Variants in DHX15 observed in about 807,000 individuals in gnomAD.
The protein encoded by DHX15 is DEAH-box helicase 15, also known as ATP-dependent RNA helicase DHX15.
DHX15 carries 11 observed loss-of-function variants against 94.4 expected under a neutral mutation model. That is an observed-to-expected ratio of 0.12 (90% confidence interval 0.07 to 0.19). The LOEUF (loss-of-function observed/expected upper bound fraction) is 0.19, where lower values mean the gene tolerates loss of function less well. Among genes scored for constraint, DHX15 ranks in the 10% least tolerant of loss-of-function variants. The pLI, the probability that DHX15 is intolerant of heterozygous loss-of-function variation, is 1.00. For missense variants in DHX15, 304 were observed against 988.5 expected, an observed-to-expected ratio of 0.31 and a Z score of 9.29; for synonymous variants, 338 against 329.9, an observed-to-expected ratio of 1.02 and a Z score of -0.27.
chr4:24,561,896 C>T (rs932330299), intron 3 of DHX15, among the ~76,000 whole-genome samples: 5 of 151,980 alleles, frequency 3.3e-5, no homozygotes, highest in Admixed American at 6.6e-5. Flanking sequence ...TTTGGGAGGC[C>T]GAAGCAGGTC....
intron 2 of DHX15, among the ~76,000 whole-genome samples, chr4:24,574,376 G>A (rs1020362370): frequency 1.3e-5 from 2 of 151,940 alleles, no homozygotes; most frequent in African/African-American, 4.8e-5. Context: ...TAAACTGTTT[G>A]GTTTCCCTTC....
At chr4:24,533,463 ATTG>A (rs2109392396) in intron 11 of DHX15, 1 of 213,250 alleles carries the variant, frequency 4.7e-6, no homozygotes, top group Admixed American at 5.2e-5. Flanking sequence ...ATTGTTGTGT[ATTG>A]TTCTTTATGC....
intron 8 of DHX15, 26 bp downstream of exon 8, chr4:24,541,847 C>A: frequency 1.3e-6 from 2 of 1,522,278 alleles, no homozygotes; most frequent in South Asian, 2.5e-5. Context: ...TTAAACATAT[C>A]GGCAGGAAAC....
intron 11 of DHX15, chr4:24,534,263 T>C (rs1721148666): frequency 6.6e-6 from 1 of 152,170 alleles, no homozygotes; most frequent in South Asian, 2.1e-4. Context: ...ATGCTGATGC[T>C]CTGTAACAAG....
chr4:24,584,495 C>T lies in DHX15; in HGVS notation c.-102G>A, dbSNP rs1366831750. 2 of 1,149,892 alleles carry T rather than the reference C, an allele frequency of 1.7e-6. No homozygotes were observed. Among genetic ancestry groups the T allele is most frequent in the African/African-American group, 1.6e-5 (1 of 62,486 alleles). The allele number at this position is 1,149,892 out of a possible 1,614,324, so 71.2% of individuals were successfully genotyped here. A position where few individuals can be genotyped will look rare whatever the true frequency, so the allele number is the denominator to read the frequency against. On this transcript the variant is annotated 5_prime_UTR_variant, in exon 1 of 14. Transcript: ENST00000336812. ...AACTCTGGAGGACCCCCACCCCTCC[C>T]GCTACTACAGCCCACACGGTGCGGC...
At position 24,547,899 on chromosome 4, in the gene DHX15, ATG is replaced by A. The variant is rs1294219807; in HGVS notation, c.1248+954_1248+955del. Among the ~76,000 whole-genome samples, 368 of 41,674 alleles carry A rather than the reference ATG, an allele frequency of 8.8e-3. 6 individuals carry two copies. Among genetic ancestry groups the A allele is most frequent in the Non-Finnish European group, 0.014 (286 of 20,136 alleles). The allele number at this position is 41,674 out of a possible 152,430, so 27.3% of individuals were successfully genotyped here. A position where few individuals can be genotyped will look rare whatever the true frequency, so the allele number is the denominator to read the frequency against. On this transcript the variant is annotated intron_variant, in intron 6 of 13. Transcript: ENST00000336812. ...TCTCTCTCTCTCTCTCTATGTATGTATGTGTATATATATATATATATATATAT... is the reference window on the plus strand; with the variant it reads ...TCTCTCTCTCTCTCTCTATGTATGTATGTATATATATATATATATATATAT...
chr4:24,559,684 G>A (rs1721820817), intron 3 of DHX15, among the ~76,000 whole-genome samples: 1 of 152,032 alleles, frequency 6.6e-6, no homozygotes, highest in Non-Finnish European at 1.5e-5. Flanking sequence ...CACTTTACTG[G>A]GTGCCTTACT....
Position 24,537,190 on chromosome 4 carries a change from T to C in DHX15, c.1787-17A>G. On this transcript the variant is annotated splice_polypyrimidine_tract_variant and intron_variant, in intron 10 of 13. Coordinates refer to ENST00000336812, the MANE Select transcript of DHX15 (RefSeq NM_001358.3). The surrounding 1 kb of genome is among the most constrained non-coding windows in gnomAD (Gnocchi z 4.7). ...ACTGTGGGACTAAACAAGGTTGGTA[T>C]GGGCCCAACACAAACGCCCATATCG... 4 of 1,613,504 alleles carry C rather than the reference T, an allele frequency of 2.5e-6. No homozygotes were observed. Among genetic ancestry groups the C allele is most frequent in the Non-Finnish European group, 3.4e-6 (4 of 1,179,656 alleles).
chr4:24,579,673 G>A (rs1188071395), intron 1 of DHX15, among the ~76,000 whole-genome samples: 1 of 152,232 alleles, frequency 6.6e-6, no homozygotes, highest in Non-Finnish European at 1.5e-5. Flanking sequence ...AATATGTTTT[G>A]TAGAGTATAG....
At chr4:24,560,429 TGG>T (rs1721847846) in intron 3 of DHX15, among the ~76,000 whole-genome samples, 1 of 151,968 alleles carries the variant, frequency 6.6e-6, no homozygotes, top group Non-Finnish European at 1.5e-5. Context: ...AAACCAACAC[TGG>T]GCAGGGTATG....
Position 24,573,346 on chromosome 4 carries a change from C to T in DHX15, c.508-2499G>A, listed in dbSNP as rs1282825151. 2.0e-5 allele frequency among the ~76,000 whole-genome samples: 3 copies of T among 152,344 alleles called. No individual in the cohort carries two copies. The East Asian group carries it at 5.8e-4, about 29-fold the overall frequency. ...TCCTGTGAAGTCTTATATGTTCTAACTTCTAATACTACCTATAATACATCA... is the reference window on the plus strand; with the variant it reads ...TCCTGTGAAGTCTTATATGTTCTAATTTCTAATACTACCTATAATACATCA... On this transcript the variant is annotated intron_variant, in intron 2 of 13. Transcript: ENST00000336812.
chr4:24,568,081 T>C (rs1722035720), intron 3 of DHX15, among the ~76,000 whole-genome samples: 1 of 152,216 alleles, frequency 6.6e-6, no homozygotes, highest in African/African-American at 2.4e-5. Flanking sequence ...TTAATCTATA[T>C]GCGGACAATT....
intron 3 of DHX15, among the ~76,000 whole-genome samples, chr4:24,558,207 C>T (rs750561345): frequency 1.1e-4 from 16 of 152,066 alleles, no homozygotes; most frequent in Admixed American, 2.0e-4. Context: ...ACAGCTAGAT[C>T]GAGTTCAAGC....
intron 9 of DHX15, 151 bp downstream of exon 9, chr4:24,540,689 T>A (rs1200065068): frequency 2.1e-6 from 1 of 483,046 alleles, no homozygotes; most frequent in African/African-American, 2.0e-5. Flanking sequence ...CTTTTTTAGT[T>A]TTAATGCTAT....
intron 6 of DHX15, among the ~76,000 whole-genome samples, chr4:24,547,685 T>C (rs1721453987): frequency 6.6e-6 from 1 of 151,806 alleles, no homozygotes; most frequent in Admixed American, 6.6e-5. Context: ...GCGTAGTGGC[T>C]AATGCCTGTA....
chr4:24,567,513 G>A (rs1447445114), intron 3 of DHX15, among the ~76,000 whole-genome samples: 1 of 151,706 alleles, frequency 6.6e-6, no homozygotes, highest in East Asian at 1.9e-4. Context: ...CGAGGTGGAG[G>A]CTGCAGTGAG....
intron 5 of DHX15, among the ~76,000 whole-genome samples, chr4:24,550,117 A>AAAAAAAAAAAAC (rs1721559871): frequency 6.8e-6 from 1 of 146,342 alleles, no homozygotes; most frequent in Non-Finnish European, 1.5e-5. Context: ...AAAAAAAAAA[A>AAAAAAAAAAAAC]AAAAAACGGT....
In DHX15 at chr4:24,541,715, C is replaced by CAGA. The variant is rs752102112; in HGVS notation, c.1485+157_1485+158insTCT. Among the ~76,000 whole-genome samples the CAGA allele has an allele frequency of 2.6e-5, 4 of 151,940 alleles. No individual in the cohort carries two copies. The East Asian group carries it at 7.7e-4, about 29-fold the overall frequency. ...CAGCCTGGAATAAGGGGGTGTACGA[C>CAGA]TATCTAAGTTAATTACACCATACAT... On this transcript the variant is annotated intron_variant, in intron 8 of 13. Coordinates refer to ENST00000336812, the MANE Select transcript of DHX15 (RefSeq NM_001358.3).
At chr4:24,563,960 G>A (rs1721941460) in intron 3 of DHX15, among the ~76,000 whole-genome samples, 1 of 151,420 alleles carries the variant, frequency 6.6e-6, no homozygotes, top group Non-Finnish European at 1.5e-5. Context: ...CCAGCTACTT[G>A]GGAGGCTGAG....
Sources: gnomAD v4.1 joint callset for allele counts (sites outside exome capture counted in the v4.1 genomes callset) on GRCh38, gnomAD v4.1.1 for gene constraint, Gnocchi (gnomAD v3.1) non-coding constraint, MANE v1.5 for transcripts, NCBI Gene and HGNC (gene_info 2026-07-23, HGNC 2026-07-21) for gene names.